The following BACH2 variants were observed in gnomAD, a reference collection of about 807,000 sequenced individuals.
BACH2 encodes the protein BACH transcriptional regulator 2.
BACH2 carries 5 observed loss-of-function variants against 61.8 expected under a neutral mutation model. The observed-to-expected ratio is 0.08, with a 90% CI of 0.04 to 0.17. The LOEUF is 0.17. BACH2 is among the 10% of genes least tolerant of loss of function. The pLI is 1.00. For synonymous variants in BACH2, 446 were observed against 440.1 expected, an observed-to-expected ratio of 1.01 and a Z score of -0.17; for missense variants, 824 against 1,091.1, an observed-to-expected ratio of 0.76 and a Z score of 3.45.
chr6:90,058,515 G>A (rs1355096264), intron 5 of BACH2, among the ~76,000 whole-genome samples: 3 of 152,088 alleles, frequency 2.0e-5, no homozygotes, highest in Non-Finnish European at 4.4e-5. Context: ...TCATGGGTAG[G>A]AAGAATCAAT....
chr6:90,265,142 A>G (rs1771281876), intron 2 of BACH2, among the ~76,000 whole-genome samples: 3 of 152,230 alleles, frequency 2.0e-5, no homozygotes. Flanking sequence ...TTACAACAAG[A>G]AAACCTTGTA....
intron 8 of BACH2, among the ~76,000 whole-genome samples, chr6:89,934,786 G>C (rs539257529): frequency 1.3e-5 from 2 of 152,246 alleles, no homozygotes; most frequent in African/African-American, 4.8e-5. Flanking sequence ...CCAACCCTTT[G>C]CAAGCGCAGG....
At chr6:89,934,797 CAGG>C (rs1772910735) in intron 8 of BACH2, among the ~76,000 whole-genome samples, 1 of 151,936 alleles carries the variant, frequency 6.6e-6, no homozygotes, top group South Asian at 2.1e-4. Flanking sequence ...CAAGCGCAGG[CAGG>C]AGAAGAGGAC....
chr6:90,247,602 A>G (rs562919299), intron 3 of BACH2, among the ~76,000 whole-genome samples: 1 of 152,248 alleles, frequency 6.6e-6, no homozygotes, highest in Middle Eastern at 3.4e-3. Flanking sequence ...GGTAATTAAA[A>G]TCAACTTTTT....
At chr6:90,167,714 G>C (rs762464489) in intron 4 of BACH2, among the ~76,000 whole-genome samples, 1 of 152,136 alleles carries the variant, frequency 6.6e-6, no homozygotes, top group Non-Finnish European at 1.5e-5. Flanking sequence ...GCTCCCAGGC[G>C]CTCCTGGAAA....
At chr6:90,049,667 T>C (rs138718410) in intron 5 of BACH2, among the ~76,000 whole-genome samples, 127 of 152,298 alleles carry the variant, frequency 8.3e-4, no homozygotes, top group African/African-American at 3.0e-3. Context: ...CACTACCATA[T>C]ACTCACCATA....
intron 4 of BACH2, among the ~76,000 whole-genome samples, chr6:90,092,101 C>G (rs887366153): frequency 6.6e-6 from 1 of 151,604 alleles, no homozygotes. Flanking sequence ...ATACAAAAAA[C>G]AAACCACCAT....
At chr6:90,093,800 C>CAT (rs1004537428) in intron 4 of BACH2, among the ~76,000 whole-genome samples, 43 of 152,280 alleles carry the variant, frequency 2.8e-4, no homozygotes, top group African/African-American at 9.6e-4. Context: ...TGCCTTGTGG[C>CAT]ATTTTGCGGC....
chr6:90,031,958 C>T (rs1249390311), intron 5 of BACH2, among the ~76,000 whole-genome samples: 2 of 152,180 alleles, frequency 1.3e-5, no homozygotes, highest in African/African-American at 4.8e-5. Context: ...TCAAACTATA[C>T]TACAAGGCTA....
At chr6:90,255,987 G>C (rs982146940) in intron 2 of BACH2, among the ~76,000 whole-genome samples, 1 of 152,086 alleles carries the variant, frequency 6.6e-6, no homozygotes, top group Non-Finnish European at 1.5e-5. Flanking sequence ...ATTTTCCAAC[G>C]GAGACTTGCC....
intron 4 of BACH2, among the ~76,000 whole-genome samples, chr6:90,187,059 C>A (rs533958103): frequency 9.2e-5 from 14 of 152,062 alleles, no homozygotes; most frequent in African/African-American, 3.1e-4. Flanking sequence ...AAGAAGGATG[C>A]CCTATAAAAA....
intron 5 of BACH2, among the ~76,000 whole-genome samples, chr6:90,050,636 T>C (rs1395753689): frequency 6.6e-6 from 1 of 152,246 alleles, no homozygotes; most frequent in Non-Finnish European, 1.5e-5. Flanking sequence ...AGATATGTTA[T>C]TCATGTTAAC....
intron 1 of BACH2, among the ~76,000 whole-genome samples, chr6:90,275,194 T>G (rs747654240): frequency 1.6e-4 from 24 of 152,358 alleles, no homozygotes; most frequent in Middle Eastern, 3.4e-3. Flanking sequence ...AAATTAAGAA[T>G]GGCTGTTTAC....
intron 3 of BACH2, among the ~76,000 whole-genome samples, chr6:90,225,854 T>C (rs962009395): frequency 7.9e-5 from 12 of 152,036 alleles, no homozygotes. Context: ...TGTGCCTTAC[T>C]GAGAGAAAGA....
intron 6 of BACH2, among the ~76,000 whole-genome samples, chr6:89,978,368 G>T (rs1428901219): frequency 6.6e-6 from 1 of 152,138 alleles, no homozygotes; most frequent in African/African-American, 2.4e-5. Flanking sequence ...ACTGCCAAAA[G>T]CTCTGTAAAA....
intron 4 of BACH2, among the ~76,000 whole-genome samples, chr6:90,091,287 A>G (rs1782147300): frequency 6.6e-6 from 1 of 152,216 alleles, no homozygotes; most frequent in Non-Finnish European, 1.5e-5. Context: ...AAACCCTTTG[A>G]AAGTCCTATA....
At chr6:90,158,735 A>G (rs892712495) in intron 4 of BACH2, among the ~76,000 whole-genome samples, 5 of 142,408 alleles carry the variant, frequency 3.5e-5, no homozygotes, top group African/African-American at 1.3e-4. Context: ...GAGATGGCAG[A>G]ACTCAGTCTC....
At chr6:89,953,322 C>G (rs1459959139) in intron 6 of BACH2, 1 of 152,222 alleles carries the variant, frequency 6.6e-6, no homozygotes, top group African/African-American at 2.4e-5. Context: ...CAGGGCAGCA[C>G]TGATTTCATA....
chr6:89,988,637 A>G (rs1011785722), intron 6 of BACH2, among the ~76,000 whole-genome samples: 1 of 152,236 alleles, frequency 6.6e-6, no homozygotes, highest in Non-Finnish European at 1.5e-5. Context: ...AGGACGCAAG[A>G]CAATGAAATA....
Sources: gnomAD v4.1 joint callset for allele counts (sites outside exome capture counted in the v4.1 genomes callset) on GRCh38, gnomAD v4.1.1 for gene constraint, MANE v1.5 for transcripts, NCBI Gene and HGNC (gene_info 2026-07-23, HGNC 2026-07-21) for gene names.